The following SLC12A9 variants were observed in gnomAD, a reference collection of about 807,000 sequenced individuals.
SLC12A9 encodes the protein solute carrier family 12 member 9, also known as CCC-interacting protein 1.
SLC12A9 carries 55 observed loss-of-function variants against 66.0 expected under a neutral mutation model. That is an observed-to-expected ratio of 0.83 (90% CI 0.67 to 1.04). SLC12A9 has a LOEUF of 1.04. SLC12A9 is among the 50% of genes least tolerant of loss of function. The pLI, the probability that SLC12A9 is intolerant of heterozygous loss-of-function variation, is 0.00. For synonymous variants in SLC12A9, 577 were observed against 569.0 expected, an observed-to-expected ratio of 1.01 and a Z score of -0.20; for missense variants, 1,061 against 1,241.9, an observed-to-expected ratio of 0.85 and a Z score of 2.19.
upstream of SLC12A9, among the ~76,000 whole-genome samples, chr7:100,851,111 C>T (rs1323856946): frequency 6.6e-6 from 1 of 152,178 alleles, no homozygotes; most frequent in Non-Finnish European, 1.5e-5. Context: ...CCTGCCTCAG[C>T]CTTCCAAAGT....
chr7:100,837,883 CAG>C (rs1190003463), intron 1 of SLC12A9, among the ~76,000 whole-genome samples: 2 of 101,974 alleles, frequency 2.0e-5, no homozygotes, highest in African/African-American at 8.2e-5. Context: ...TTTTTTGAGA[CAG>C]AGTCTTGCTC....
At chr7:100,840,356 C>G (rs1334964321) in intron 1 of SLC12A9, among the ~76,000 whole-genome samples, 1 of 152,170 alleles carries the variant, frequency 6.6e-6, no homozygotes, top group Admixed American at 6.5e-5. Flanking sequence ...GTAAGATAGA[C>G]TGGCCAGCAT....
chr7:100,857,067 G>C lies in SLC12A9; in HGVS notation c.648G>C (p.Pro216=). Residue 216 remains proline, a synonymous_variant, in exon 5 of 14, where the codon CCG becomes CCC. Coordinates refer to ENST00000354161, the MANE Select transcript of SLC12A9 (RefSeq NM_020246.4). ...SVLISFVAVG[P]RDIRLTPRPG... is the part of the protein sequence containing the mutation. ...TCATCAGTTTTGTGGCTGTGGGGCC[G>C]AGGGACATCCGCTTGACTCCTAGGC... The C allele has an allele frequency of 4.3e-6, 7 of 1,614,174 alleles. No homozygotes were observed. The highest frequency in any genetic ancestry group is 5.9e-6 in the Non-Finnish European group (7 of 1,180,032).
chr7:100,839,508 G>A (rs182246484), intron 1 of SLC12A9, among the ~76,000 whole-genome samples: 1 of 152,308 alleles, frequency 6.6e-6, no homozygotes, highest in African/African-American at 2.4e-5. Context: ...GCGGATGGTC[G>A]AGGCAGCTCC....
chr7:100,841,918 C>T (rs1032322876), intron 1 of SLC12A9, among the ~76,000 whole-genome samples: 10 of 152,126 alleles, frequency 6.6e-5, no homozygotes, highest in African/African-American at 2.4e-4. Context: ...TCTTAAAAAT[C>T]ATATACTTGG....
In SLC12A9 at chr7:100,855,853, G is replaced by A. The variant is rs374400811; in HGVS notation, c.448+16G>A. 167 of 1,589,342 alleles carry A rather than the reference G, an allele frequency of 1.1e-4. No homozygotes were observed. The East Asian group carries it at 3.5e-3, about 33-fold the overall frequency. On this transcript the variant is annotated intron_variant, in intron 4 of 13. Transcript: ENST00000354161. The stretch of plus-strand genomic sequence containing the variant: ...TTCGGGGCCGGTCTGTGCTCTGTCC[G>A]ATCTGGGCAGTGCTGCGGGTTTACA...
chr7:100,831,145 C>T (rs1813536289), intron 1 of SLC12A9, among the ~76,000 whole-genome samples: 1 of 152,148 alleles, frequency 6.6e-6, no homozygotes, highest in South Asian at 2.1e-4. Flanking sequence ...TAGCATCCAC[C>T]AACAGCTACT....
chr7:100,845,309 A>G (rs1377052042), intron 1 of SLC12A9, among the ~76,000 whole-genome samples: 2 of 149,918 alleles, frequency 1.3e-5, no homozygotes, highest in East Asian at 1.9e-4. Context: ...CTGCCTGACC[A>G]GCAGACAAGT....
intron 1 of SLC12A9, among the ~76,000 whole-genome samples, chr7:100,842,920 G>A (rs925744262): frequency 2.0e-5 from 3 of 152,248 alleles, no homozygotes; most frequent in Non-Finnish European, 2.9e-5. Context: ...GGCACCCTGC[G>A]GGTCAGCCCC....
chr7:100,855,449 A>AGC (rs943607837), intron 3 of SLC12A9: 2 of 411,432 alleles, frequency 4.9e-6, no homozygotes, highest in African/African-American at 4.2e-5. Flanking sequence ...ATAAATGTGC[A>AGC]GCAGGCAGGC....
chr7:100,836,707 T>C (rs1452905557), intron 1 of SLC12A9, among the ~76,000 whole-genome samples: 1 of 152,078 alleles, frequency 6.6e-6, no homozygotes, highest in Non-Finnish European at 1.5e-5. Context: ...AAGGGCGCCC[T>C]GCTCAGCTCG....
At position 100,865,709 on chromosome 7, in the gene SLC12A9, C is replaced by T; in HGVS notation, c.1859-10C>T. On this transcript the variant is annotated splice_polypyrimidine_tract_variant and intron_variant, in intron 13 of 13. Transcript: ENST00000354161. ...CCTGTCTGTTCCTGCCTTCCCCGCT[C>T]TGCCCCCAGGTGGCATGAAGCCCAA... The T allele has an allele frequency of 6.3e-7, 1 of 1,598,026 alleles. No homozygotes were observed. Among genetic ancestry groups the T allele is most frequent in the Non-Finnish European group, 8.5e-7 (1 of 1,170,946 alleles).
At chr7:100,864,690 T>A (rs1814972485) in intron 13 of SLC12A9, among the ~76,000 whole-genome samples, 1 of 152,202 alleles carries the variant, frequency 6.6e-6, no homozygotes, top group Non-Finnish European at 1.5e-5. Context: ...TTGACCTACC[T>A]GCCCCAGTAC....
chr7:100,829,377 A>G (rs1195257071), intron 1 of SLC12A9, among the ~76,000 whole-genome samples: 2 of 152,142 alleles, frequency 1.3e-5, no homozygotes, highest in Non-Finnish European at 1.5e-5. Context: ...GGGGCTGCCA[A>G]GCGCCCTTAC....
upstream of SLC12A9, among the ~76,000 whole-genome samples, chr7:100,852,097 C>T (rs573615154): frequency 6.6e-6 from 1 of 152,268 alleles, no homozygotes; most frequent in East Asian, 1.9e-4. Context: ...CAGTAGAGTT[C>T]ATAGGCTCTA....
chr7:100,863,943 G>A (rs7784933), intron 13 of SLC12A9, among the ~76,000 whole-genome samples: 38,056 of 152,152 alleles, frequency 0.25, 5,631 homozygotes, highest in East Asian at 0.45. Context: ...TTGGGGTGTC[G>A]TCAAGCATCA....
At chr7:100,829,304 AGGAGCCCAGCAAGAGAGACGTT>A (rs917548501) in intron 1 of SLC12A9, among the ~76,000 whole-genome samples, 23 of 152,108 alleles carry the variant, frequency 1.5e-4, no homozygotes, top group East Asian at 5.8e-4. Flanking sequence ...CAGAATCTTG[AGGAGCCCAGCAAGAGAGACGTT>A]GGAGCCCAGC....
intron 12 of SLC12A9, among the ~76,000 whole-genome samples, chr7:100,862,196 C>G (rs1814800726): frequency 6.6e-6 from 1 of 152,042 alleles, no homozygotes; most frequent in African/African-American, 2.4e-5. Flanking sequence ...ACCTCAAGTG[C>G]TCCGCCCATC....
chr7:100,836,268 C>A (rs1236906223), intron 1 of SLC12A9, among the ~76,000 whole-genome samples: 1 of 152,154 alleles, frequency 6.6e-6, no homozygotes, highest in Non-Finnish European at 1.5e-5. Context: ...ACAAGAAGCT[C>A]TTGGGCTGGT....
Sources: allele counts gnomAD v4.1 joint callset (sites outside exome capture counted in the v4.1 genomes callset), GRCh38; gene constraint gnomAD v4.1.1; transcripts MANE v1.5; gene names NCBI Gene and HGNC (gene_info 2026-07-23, HGNC 2026-07-21).